PRKG1: variants seen among roughly 807,000 people sequenced by gnomAD.
PRKG1 encodes protein kinase cGMP-dependent 1.
A neutral mutation model predicts 88.1 loss-of-function variants in PRKG1; 35 were observed. The observed-to-expected ratio is 0.40, with a 90% CI of 0.30 to 0.53. PRKG1 has a LOEUF of 0.53. Among genes scored for constraint, PRKG1 ranks in the 20% least tolerant of loss-of-function variants. The pLI is 0.59. For missense variants in PRKG1, 540 were observed against 839.8 expected (o/e 0.64, Z 4.41); for synonymous variants, 303 against 292.5 (o/e 1.04, Z -0.37).
At chr10:51,733,186 C>T (rs1256564650) in intron 3 of PRKG1, among the ~76,000 whole-genome samples, 1 of 152,208 alleles carries the variant, frequency 6.6e-6, no homozygotes, top group Non-Finnish European at 1.5e-5. Flanking sequence ...TCTCCAAATT[C>T]CATCACACTG....
At chr10:51,735,223 T>A (rs917019542) in intron 3 of PRKG1, among the ~76,000 whole-genome samples, 8 of 152,212 alleles carry the variant, frequency 5.3e-5, no homozygotes, top group African/African-American at 1.7e-4. Flanking sequence ...TTATGAAGAA[T>A]ACTTTCTAGG....
intron 4 of PRKG1, among the ~76,000 whole-genome samples, chr10:51,806,631 G>A (rs1403748327): frequency 6.6e-6 from 1 of 152,188 alleles, no homozygotes; most frequent in African/African-American, 2.4e-5. Flanking sequence ...GTGACAGGAT[G>A]ACCATCATTG....
intron 4 of PRKG1, among the ~76,000 whole-genome samples, chr10:51,845,960 A>G (rs890651171): frequency 2.0e-5 from 3 of 152,144 alleles, no homozygotes; most frequent in Non-Finnish European, 4.4e-5. Flanking sequence ...AAAGCTTTTA[A>G]AAGTGTGGAT....
chr10:51,893,442 G>T (rs192630315), intron 4 of PRKG1, among the ~76,000 whole-genome samples: 235 of 152,204 alleles, frequency 1.5e-3, no homozygotes, highest in Non-Finnish European at 2.8e-3. Context: ...ACAATGGGTG[G>T]CATACAGAGA....
At chr10:52,011,340 C>T (rs1412522248) in intron 5 of PRKG1, among the ~76,000 whole-genome samples, 1 of 152,146 alleles carries the variant, frequency 6.6e-6, no homozygotes, top group Non-Finnish European at 1.5e-5. Flanking sequence ...CTGTTATGGC[C>T]TTCTTCAACT....
At chr10:51,137,098 A>T (rs1319472188) in intron 1 of PRKG1, among the ~76,000 whole-genome samples, 1 of 151,820 alleles carries the variant, frequency 6.6e-6, no homozygotes, top group Non-Finnish European at 1.5e-5. Flanking sequence ...TGTTAACCAG[A>T]ATGGTCTTGA....
chr10:51,924,525 G>T (rs1439040634), intron 5 of PRKG1, among the ~76,000 whole-genome samples: 2 of 151,942 alleles, frequency 1.3e-5, no homozygotes, highest in African/African-American at 4.8e-5. Flanking sequence ...GAATTATTGG[G>T]TGTTTATTCT....
Position 51,859,181 on chromosome 10 carries a change from A to G in PRKG1, c.699-48326A>G, listed in dbSNP as rs117297418. 6.8e-3 allele frequency among the ~76,000 whole-genome samples: 1,038 copies of G among 152,330 alleles called. 6 individuals carry two copies. Among genetic ancestry groups the G allele is most frequent in the Non-Finnish European group, 0.011 (725 of 68,022 alleles). On this transcript the variant is annotated intron_variant, in intron 4 of 17. Transcript: ENST00000373980. ...CCTTTAAATTGGCGTTCAAATGTGT[A>G]TTTACACAGATGTTCGGAAGCCCTG...
rs1252276932 is a variant in PRKG1, at chr10:50,991,653, G to C, written c.266+9G>C. 3.3e-6 allele frequency: 5 copies of C among 1,497,980 alleles called. No individual in the cohort carries two copies. Among genetic ancestry groups the C allele is most frequent in the Non-Finnish European group, 4.5e-6 (5 of 1,120,916 alleles). 92.8% of individuals were successfully genotyped at this position (1,497,980 alleles called of 1,614,324 possible). A position where few individuals can be genotyped will look rare whatever the true frequency, so the allele number is the denominator to read the frequency against. Reference sequence around the variant, plus strand: ...TTCACCAAGTCCGAAAGGTAGGCGCGGAGGCCGTGGGCCCGGGCGCTCGTC... The same window carrying C: ...TTCACCAAGTCCGAAAGGTAGGCGCCGAGGCCGTGGGCCCGGGCGCTCGTC... On this transcript the variant is annotated intron_variant, in intron 1 of 17. Coordinates refer to the PRKG1 transcript ENST00000401604. The surrounding 1 kb of genome is among the most constrained non-coding windows in gnomAD (Gnocchi z 4.5).
chr10:51,952,097 A>T (rs1001617010), intron 5 of PRKG1, among the ~76,000 whole-genome samples: 1 of 152,220 alleles, frequency 6.6e-6, no homozygotes, highest in African/African-American at 2.4e-5. Context: ...AATGTTTACT[A>T]TCTGGCTCTT....
chr10:52,222,652 G>A (rs909030254), intron 9 of PRKG1, among the ~76,000 whole-genome samples: 6 of 152,140 alleles, frequency 3.9e-5, no homozygotes, highest in Non-Finnish European at 7.4e-5. Context: ...TGTGACCTTG[G>A]AAAGTTAGTA....
At chr10:51,422,757 C>G (rs1016180183) in intron 2 of PRKG1, among the ~76,000 whole-genome samples, 1 of 152,198 alleles carries the variant, frequency 6.6e-6, no homozygotes, top group African/African-American at 2.4e-5. Context: ...GGTGACCCAG[C>G]ACTTCACGGG....
At position 50,991,833 on chromosome 10, in the gene PRKG1, T is replaced by G. The variant is rs1842786346; in HGVS notation, c.266+189T>G. 6.6e-6 allele frequency among the ~76,000 whole-genome samples: 1 copy of G among 152,064 alleles called. No homozygotes were observed. Among genetic ancestry groups the G allele is most frequent in the Non-Finnish European group, 1.5e-5 (1 of 67,978 alleles). ...TTTTATTTCTGCCCATCACGTGCTG[T>G]GCTTGTCTCCGCCGGGCTGGGAAAG... is the stretch of plus-strand genomic sequence containing the variant. On this transcript the variant is annotated intron_variant, in intron 1 of 17. Transcript: ENST00000401604. The surrounding 1 kb of genome is among the most constrained non-coding windows in gnomAD (Gnocchi z 4.5).
intron 3 of PRKG1, among the ~76,000 whole-genome samples, chr10:51,706,945 T>C (rs533952987): frequency 1.1e-4 from 16 of 152,340 alleles, no homozygotes; most frequent in East Asian, 1.9e-4. Flanking sequence ...TAGCATCTTA[T>C]GTGGAAAGAG....
At chr10:51,737,214 C>A (rs1837302277) in intron 3 of PRKG1, among the ~76,000 whole-genome samples, 1 of 152,102 alleles carries the variant, frequency 6.6e-6, no homozygotes, top group South Asian at 2.1e-4. Context: ...TTTCATCTTC[C>A]CCCACTCCCA....
intron 1 of PRKG1, among the ~76,000 whole-genome samples, chr10:51,120,350 A>G (rs1845230693): frequency 6.6e-6 from 1 of 152,182 alleles, no homozygotes; most frequent in Non-Finnish European, 1.5e-5. Context: ...ACAACAAACT[A>G]CAAGGCCCCC....
intron 7 of PRKG1, among the ~76,000 whole-genome samples, chr10:52,084,751 C>G (rs914707911): frequency 6.6e-6 from 1 of 151,984 alleles, no homozygotes; most frequent in Non-Finnish European, 1.5e-5. Context: ...AATAGTTTAT[C>G]TAGTTAACAG....
chr10:51,096,226 C>T (rs142602110), intron 1 of PRKG1, among the ~76,000 whole-genome samples: 2 of 151,960 alleles, frequency 1.3e-5, no homozygotes, highest in East Asian at 1.9e-4. Context: ...GCTTTGAAAC[C>T]GATCCAGGAC....
chr10:51,063,393 C>T (rs1307402663), intron 1 of PRKG1, among the ~76,000 whole-genome samples: 1 of 152,056 alleles, frequency 6.6e-6, no homozygotes, highest in Non-Finnish European at 1.5e-5. Context: ...CGTATTGCTC[C>T]CAAGCTACAA....
Sources: allele counts gnomAD v4.1 joint callset (sites outside exome capture counted in the v4.1 genomes callset), GRCh38; gene constraint gnomAD v4.1.1; non-coding constraint Gnocchi (gnomAD v3.1); transcripts MANE v1.5; gene names NCBI Gene and HGNC (gene_info 2026-07-23, HGNC 2026-07-21).